Variants in PHF23 observed in about 807,000 individuals in gnomAD.
PHF23 encodes PHD finger protein 23, also known as PDH-containing protein JUNE-1.
In PHF23, 3 loss-of-function variants were observed where a neutral mutation model predicts 36.0. The observed-to-expected ratio is 0.08, with a 90% CI of 0.04 to 0.22. The LOEUF is 0.22. Ranked by LOEUF, PHF23 falls within the 10% of genes least tolerant of loss-of-function variation. The probability of loss-of-function intolerance (pLI) is 1.00; values close to 1 mark genes in which losing one functional copy is unlikely to be tolerated. For missense variants in PHF23, 475 were observed against 513.6 expected, an observed-to-expected ratio of 0.92 and a Z score of 0.73; for synonymous variants, 242 against 192.5, an observed-to-expected ratio of 1.26 and a Z score of -2.13.
At position 7,236,075 on chromosome 17, in the gene PHF23, G is replaced by A. The variant is rs1188400231; in HGVS notation, c.852C>T (p.Pro284=). The part of the protein sequence containing the change: ...VLPTPPEAPR[P]PATVHPEGVP... Reference sequence around the variant, plus strand: ...CTCCTTCAGGGTGCACTGTGGCAGGGGGCCTAGGAGCCTCAGGGGGTGTTG... The same window carrying A: ...CTCCTTCAGGGTGCACTGTGGCAGGAGGCCTAGGAGCCTCAGGGGGTGTTG... The change falls in exon 4 of 5, where the codon CCC becomes CCT. Residue 284 remains proline (P), a synonymous_variant. Transcript: ENST00000320316. The surrounding 1 kb of genome is among the most constrained non-coding windows in gnomAD (Gnocchi z 5.1). The A allele has an allele frequency of 6.2e-7, 1 of 1,613,798 alleles. No individual in the cohort carries two copies. Among genetic ancestry groups the A allele is most frequent in the East Asian group, 2.2e-5 (1 of 44,878 alleles).
At chr17:7,239,121 G>T in intron 1 of PHF23, 125 bp downstream of exon 1, 1 of 1,028,538 alleles carries the variant, frequency 9.7e-7, no homozygotes, top group Non-Finnish European at 1.4e-6. Flanking sequence ...CCACCTCCAG[G>T]GCCAGCCTCC....
At chr17:7,238,983 G>A in intron 1 of PHF23, 1 of 1,468,020 alleles carries the variant, frequency 6.8e-7, no homozygotes, top group Middle Eastern at 2.0e-4. Flanking sequence ...TGGCCCTTTC[G>A]GGCCCTAACC....
intron 1 of PHF23, chr17:7,239,017 C>T: frequency 6.9e-7 from 1 of 1,439,266 alleles, no homozygotes; most frequent in Non-Finnish European, 9.1e-7. Context: ...GTTTCAAGCT[C>T]CTATCCCCCG....
At chr17:7,239,043 T>G (rs1332427312) in intron 1 of PHF23, 2 of 1,353,586 alleles carry the variant, frequency 1.5e-6, no homozygotes, top group African/African-American at 2.9e-5. Flanking sequence ...CCACACCGTC[T>G]GATCTCCAAC....
In PHF23 at chr17:7,237,430, G is replaced by A. The variant is rs780976105; in HGVS notation, c.114C>T (p.Cys38=). The A allele has an allele frequency of 6.8e-6, 11 of 1,614,056 alleles. No individual in the cohort carries two copies. Among genetic ancestry groups the A allele is most frequent in the Non-Finnish European group, 8.5e-6 (10 of 1,179,988 alleles). Residue 38 remains cysteine (C), a synonymous_variant, in exon 3 of 5, where the codon TGC becomes TGT. Coordinates refer to ENST00000320316, the MANE Select transcript of PHF23 (RefSeq NM_024297.3). ...RRTIEDFNKF[C]SFVLAYAGYI... ...AACCAGCATATGCCAAAACAAAACT[G>A]CAGAATTTGTTGAAATCCTCAATTG...
At chr17:7,237,561 C>A in intron 2 of PHF23, 68 bp downstream of exon 2, 1 of 1,607,586 alleles carries the variant, frequency 6.2e-7, no homozygotes, top group Admixed American at 1.7e-5. Flanking sequence ...TAAGTGAGGT[C>A]TAGAAAAGGG....
rs1229408988 is a variant in PHF23 at position 7,236,791 on chromosome 17, G to A, written c.160-24C>T. 1.9e-6 allele frequency: 3 copies of A among 1,587,700 alleles called. No individual in the cohort carries two copies. On this transcript the variant is annotated intron_variant, in intron 3 of 4. Transcript: ENST00000320316. This position sits in a 1 kb window ranked among gnomAD's most constrained non-coding sequence, Gnocchi z 5.1. ...TCCTTAAAAGGGGGAAGAGACCAGGGTCAGCAGAACCCCAGTGTCATCTCA... is the reference window on the plus strand; with the variant it reads ...TCCTTAAAAGGGGGAAGAGACCAGGATCAGCAGAACCCCAGTGTCATCTCA...
rs930288045 is a variant in PHF23, at chr17:7,236,779, G to A, written c.160-12C>T. The stretch of plus-strand genomic sequence containing the variant: ...GGCCAGTCACTTTCCTTAAAAGGGG[G>A]AAGAGACCAGGGTCAGCAGAACCCC... On this transcript the variant is annotated splice_polypyrimidine_tract_variant and intron_variant, in intron 3 of 4. Coordinates refer to ENST00000320316, the MANE Select transcript of PHF23 (RefSeq NM_024297.3). This position sits in a 1 kb window ranked among gnomAD's most constrained non-coding sequence, Gnocchi z 5.1. 1.9e-6 allele frequency: 3 copies of A among 1,600,894 alleles called. No individual in the cohort carries two copies. The Admixed American group carries it at 5.1e-5, about 27-fold the overall frequency.
rs1240611423 is a variant in PHF23 at position 7,239,253 on chromosome 17, A to G, written c.27T>C (p.Ser9=). Residue 9 remains serine (S), a synonymous_variant, in exon 1 of 5, where the codon AGT becomes AGC. Transcript: ENST00000320316. MLEAMAEP[S]PEDPPPTLKP... ...CACCGGTCGAGAGCTCACCTTCGGG[A>G]CTGGGCTCCGCCATGGCTTCCAGCA... The G allele has an allele frequency of 6.5e-7, 1 of 1,541,048 alleles. No individual in the cohort carries two copies. Among genetic ancestry groups the G allele is most frequent in the Non-Finnish European group, 8.9e-7 (1 of 1,128,542 alleles).
At chr17:7,238,282 C>G in intron 1 of PHF23, 1 of 33,080 alleles carries the variant, frequency 3.0e-5, no homozygotes, top group Non-Finnish European at 5.7e-5. Context: ...GCGGCCCCCA[C>G]CTGCCCCCCC....
intron 1 of PHF23, chr17:7,238,836 G>C: frequency 6.5e-7 from 1 of 1,533,228 alleles, no homozygotes. Flanking sequence ...CGGAGCTCCG[G>C]TACCACCGCC....
At chr17:7,237,819 TCCGCCCCGCGAG>T in intron 1 of PHF23, 159 bp from the exon 2 acceptor site, 1 of 811,238 alleles carries the variant, frequency 1.2e-6, no homozygotes, top group Non-Finnish European at 1.9e-6. Context: ...GGCTCCCCCT[TCCGCCCCGCGAG>T]GGGCGGAGCC....
rs75000963 is a variant in PHF23 at position 7,236,063 on chromosome 17, C to T, written c.864G>A (p.Val288=). 2.1e-4 allele frequency: 343 copies of T among 1,613,896 alleles called. No individual in the cohort carries two copies. The African/African-American group carries it at 3.5e-3, about 17-fold the overall frequency. The change falls in exon 4 of 5, where the codon GTG becomes GTA. Residue 288 remains valine, a synonymous_variant. Coordinates refer to ENST00000320316, the MANE Select transcript of PHF23 (RefSeq NM_024297.3). The surrounding 1 kb of genome is among the most constrained non-coding windows in gnomAD (Gnocchi z 5.1). Reference sequence around the variant, plus strand: ...CAGCAGGAGGGACTCCTTCAGGGTGCACTGTGGCAGGGGGCCTAGGAGCCT... The same window carrying T: ...CAGCAGGAGGGACTCCTTCAGGGTGTACTGTGGCAGGGGGCCTAGGAGCCT... ...PPEAPRPPAT[V]HPEGVPPADS...
Position 7,235,308 on chromosome 17 carries a change from T to C in PHF23, c.*318A>G, listed in dbSNP as rs2071634463. ...TGCTAATATTTACACTAGAGTTTTA[T>C]AGACAACTGTCCCATTCCATCCCAA... On this transcript the variant is annotated 3_prime_UTR_variant, in exon 5 of 5. Coordinates refer to ENST00000320316, the MANE Select transcript of PHF23 (RefSeq NM_024297.3). 5.2e-6 allele frequency: 2 copies of C among 382,578 alleles called. No homozygotes were observed. Among genetic ancestry groups the C allele is most frequent in the East Asian group, 1.1e-4 (2 of 18,204 alleles). The allele number at this position is 382,578 out of a possible 1,614,324, so 23.7% of individuals were successfully genotyped here. A position where few individuals can be genotyped will look rare whatever the true frequency, so the allele number is the denominator to read the frequency against.
At position 7,235,715 on chromosome 17, in the gene PHF23, C is replaced by T. The variant is rs761603588; in HGVS notation, c.1123G>A (p.Val375Ile). 4 of 1,614,028 alleles carry T rather than the reference C, an allele frequency of 2.5e-6. No homozygotes were observed. The highest frequency in any genetic ancestry group is 2.5e-6 in the Non-Finnish European group (3 of 1,180,050). The change falls in exon 5 of 5, where the codon GTC (valine) becomes ATC (isoleucine). Residue 375 changes from valine (V) to isoleucine (I), a missense_variant. Coordinates refer to ENST00000320316, the MANE Select transcript of PHF23 (RefSeq NM_024297.3). ...LSCAKIKKTN[V>I]PDFFYCQKCK... is the part of the protein sequence containing the mutation. ...TTCTGGCAATAAAAGAAGTCGGGGA[C>T]GTTGGTCTTCTTAATCTTAGCACAG...
At position 7,237,670 on chromosome 17, in the gene PHF23, C is replaced by G. The variant is rs543022073; in HGVS notation, c.35-10G>C. ...AGGGTCGGAGGTGGATCTGGAAAAGCAATAAAAGCTGAGTCAAGACACTAG... is the reference window on the plus strand; with the variant it reads ...AGGGTCGGAGGTGGATCTGGAAAAGGAATAAAAGCTGAGTCAAGACACTAG... On this transcript the variant is annotated splice_polypyrimidine_tract_variant and intron_variant, in intron 1 of 4. Coordinates refer to ENST00000320316, the MANE Select transcript of PHF23 (RefSeq NM_024297.3). 6.2e-7 allele frequency: 1 copy of G among 1,613,758 alleles called. No homozygotes were observed. Among genetic ancestry groups the G allele is most frequent in the East Asian group, 2.2e-5 (1 of 44,882 alleles).
At chr17:7,237,504 T>G (rs750779129) in intron 2 of PHF23, 27 bp from the exon 3 acceptor site, 3 of 1,609,702 alleles carry the variant, frequency 1.9e-6, no homozygotes, top group Admixed American at 3.3e-5. Flanking sequence ...ATGGATCACA[T>G]GCAAAGCCAC....
Position 7,235,253 on chromosome 17 carries a change from T to G in PHF23, c.*373A>C. 4.0e-6 allele frequency: 1 copy of G among 251,286 alleles called. No individual in the cohort carries two copies. Among genetic ancestry groups the G allele is most frequent in the Non-Finnish European group, 7.9e-6 (1 of 126,724 alleles). 15.6% of individuals were successfully genotyped at this position (251,286 alleles called of 1,614,324 possible). A position where few individuals can be genotyped will look rare whatever the true frequency, so the allele number is the denominator to read the frequency against. ...GGTGTAGAAGAAAATAAATGGGGAG[T>G]GAAATAGAAGAAAAGATGAGGGAGG... is the stretch of plus-strand genomic sequence containing the variant. On this transcript the variant is annotated 3_prime_UTR_variant, in exon 5 of 5. Coordinates refer to ENST00000320316, the MANE Select transcript of PHF23 (RefSeq NM_024297.3).
intron 1 of PHF23, chr17:7,238,699 G>GC: frequency 7.8e-7 from 1 of 1,285,004 alleles, no homozygotes; most frequent in Non-Finnish European, 1.0e-6. Context: ...TTCCTGGCTC[G>GC]CTCTCTCCAC....
Sources: gnomAD v4.1 joint callset for allele counts on GRCh38, gnomAD v4.1.1 for gene constraint, Gnocchi (gnomAD v3.1) non-coding constraint, MANE v1.5 for transcripts, NCBI Gene and HGNC (gene_info 2026-07-23, HGNC 2026-07-21) for gene names.